The following SLIT3 variants were observed in gnomAD, a reference collection of about 807,000 sequenced individuals.
SLIT3 encodes the protein slit guidance ligand 3, also known as slit homolog 3 protein.
Under a neutral mutation model 184.0 loss-of-function variants are expected in SLIT3, and 68 were observed. The ratio of observed to expected loss-of-function variants is 0.37; its 90% CI spans 0.30 to 0.45. SLIT3 has a LOEUF of 0.45. SLIT3 is among the 20% of genes least tolerant of loss of function. The pLI, the probability that SLIT3 is intolerant of heterozygous loss-of-function variation, is 1.00. For missense variants in SLIT3, 1,707 were observed against 2,026.0 expected (o/e 0.84, Z 3.02); for synonymous variants, 831 against 828.6 (o/e 1.00, Z -0.05).
At chr5:168,708,617 T>G (rs1762449457) in intron 25 of SLIT3, 1 of 165,882 alleles carries the variant, frequency 6.0e-6, no homozygotes, top group African/African-American at 2.4e-5. Context: ...GACACAGCGA[T>G]GATGCTGACA....
At chr5:169,044,995 G>A (rs1350645382) in intron 4 of SLIT3, among the ~76,000 whole-genome samples, 1 of 152,184 alleles carries the variant, frequency 6.6e-6, no homozygotes, top group East Asian at 1.9e-4. Flanking sequence ...CACGGGATGA[G>A]AAGAACTCCT....
At chr5:168,917,357 TTG>T (rs1761477180) in intron 4 of SLIT3, among the ~76,000 whole-genome samples, 1 of 152,184 alleles carries the variant, frequency 6.6e-6, no homozygotes, top group Non-Finnish European at 1.5e-5. Context: ...GTCCTGGGCA[TTG>T]TGTCTCAGCC....
intron 4 of SLIT3, among the ~76,000 whole-genome samples, chr5:169,143,894 CAG>C (rs1428321134): frequency 2.0e-5 from 3 of 152,170 alleles, no homozygotes; most frequent in Admixed American, 6.5e-5. Flanking sequence ...TCACAATGGG[CAG>C]AGTCACATGG....
chr5:169,286,321 CT>C (rs781452859), intron 1 of SLIT3, among the ~76,000 whole-genome samples: 10 of 151,134 alleles, frequency 6.6e-5, no homozygotes, highest in Non-Finnish European at 1.2e-4. Flanking sequence ...AACTAAACAT[CT>C]TTTTTTTTCT....
At chr5:169,112,596 T>G (rs1432032076) in intron 4 of SLIT3, among the ~76,000 whole-genome samples, 2 of 152,000 alleles carry the variant, frequency 1.3e-5, no homozygotes, top group Non-Finnish European at 2.9e-5. Flanking sequence ...TGGTGGTAGC[T>G]GCAAGGCATA....
intron 4 of SLIT3, among the ~76,000 whole-genome samples, chr5:168,894,728 C>A (rs768131433): frequency 4.6e-5 from 7 of 152,170 alleles, no homozygotes; most frequent in Non-Finnish European, 8.8e-5. Flanking sequence ...TGAGAGGGTA[C>A]AATAGATTTG....
At chr5:168,935,739 T>A (rs1762139146) in intron 4 of SLIT3, among the ~76,000 whole-genome samples, 1 of 152,214 alleles carries the variant, frequency 6.6e-6, no homozygotes, top group South Asian at 2.1e-4. Flanking sequence ...AAAAGAAAGC[T>A]TCAGCACAAA....
rs539072289 is a variant in SLIT3 at position 168,862,358 on chromosome 5, G to A, written c.486-17703C>T. 2.0e-5 allele frequency among the ~76,000 whole-genome samples: 3 copies of A among 152,206 alleles called. No homozygotes were observed. The South Asian group carries it at 6.2e-4, about 32-fold the overall frequency. Reference sequence around the variant, plus strand: ...GCCACCTGTTCCCCAAAAACCTATGGAAATAAAAAATAAGGTATGGGCAGC... The same window carrying A: ...GCCACCTGTTCCCCAAAAACCTATGAAAATAAAAAATAAGGTATGGGCAGC... On this transcript the variant is annotated intron_variant, in intron 5 of 35. Coordinates refer to ENST00000519560, the MANE Select transcript of SLIT3 (RefSeq NM_003062.4).
chr5:169,299,325 G>A (rs1212427800), intron 1 of SLIT3, among the ~76,000 whole-genome samples: 1 of 152,154 alleles, frequency 6.6e-6, no homozygotes, highest in African/African-American at 2.4e-5. Flanking sequence ...AAGAGAAGAG[G>A]AGGTGGGGTG....
At chr5:168,682,070 C>T (rs1259891770) in intron 32 of SLIT3, among the ~76,000 whole-genome samples, 1 of 152,224 alleles carries the variant, frequency 6.6e-6, no homozygotes, top group African/African-American at 2.4e-5. Flanking sequence ...TCTGTCCTCT[C>T]CACTTGGCCA....
chr5:169,014,614 A>T (rs997579902), intron 4 of SLIT3, among the ~76,000 whole-genome samples: 1 of 152,222 alleles, frequency 6.6e-6, no homozygotes, highest in Admixed American at 6.5e-5. Flanking sequence ...AGGAAGGAAA[A>T]TAGGGCAGAG....
At chr5:169,013,871 A>G (rs1390433260) in intron 4 of SLIT3, among the ~76,000 whole-genome samples, 3 of 152,186 alleles carry the variant, frequency 2.0e-5, no homozygotes, top group Non-Finnish European at 4.4e-5. Flanking sequence ...TGCCTGGTTT[A>G]TAGATCTGCA....
intron 32 of SLIT3, among the ~76,000 whole-genome samples, chr5:168,675,327 A>G (rs1290747235): frequency 6.6e-6 from 1 of 152,184 alleles, no homozygotes; most frequent in African/African-American, 2.4e-5. Context: ...CATTTCAGTG[A>G]CTAACTCAGA....
intron 4 of SLIT3, among the ~76,000 whole-genome samples, chr5:169,033,667 A>G (rs1199094702): frequency 6.6e-6 from 1 of 152,116 alleles, no homozygotes; most frequent in Non-Finnish European, 1.5e-5. Flanking sequence ...TCTGGTTTTG[A>G]TTAATAATTA....
At chr5:168,667,936 T>G (rs1472686722) in intron 35 of SLIT3, among the ~76,000 whole-genome samples, 1 of 152,218 alleles carries the variant, frequency 6.6e-6, no homozygotes, top group Non-Finnish European at 1.5e-5. Flanking sequence ...GGGATTAAGC[T>G]GTTTATACTG....
At chr5:168,858,733 C>G (rs1241586380) in intron 5 of SLIT3, among the ~76,000 whole-genome samples, 1 of 152,226 alleles carries the variant, frequency 6.6e-6, no homozygotes, top group Non-Finnish European at 1.5e-5. Flanking sequence ...TCATTCTGTT[C>G]TTTTCTTTAA....
chr5:169,059,550 A>G (rs1758112803), intron 4 of SLIT3, among the ~76,000 whole-genome samples: 2 of 152,130 alleles, frequency 1.3e-5, no homozygotes, highest in African/African-American at 4.8e-5. Context: ...CCATGTCTAC[A>G]CTGTAGAAGC....
At chr5:169,062,915 C>T (rs1209916334) in intron 4 of SLIT3, among the ~76,000 whole-genome samples, 1 of 152,216 alleles carries the variant, frequency 6.6e-6, no homozygotes, top group Non-Finnish European at 1.5e-5. Context: ...AGGTGAACAG[C>T]ACCAGCAAGA....
At chr5:169,274,425 G>A (rs923564569) in intron 1 of SLIT3, among the ~76,000 whole-genome samples, 7 of 152,132 alleles carry the variant, frequency 4.6e-5, no homozygotes, top group African/African-American at 1.7e-4. Flanking sequence ...GGCCAACCAC[G>A]CAGAGTTGTA....
Sources: gnomAD v4.1 joint callset for allele counts (sites outside exome capture counted in the v4.1 genomes callset) on GRCh38, gnomAD v4.1.1 for gene constraint, MANE v1.5 for transcripts, NCBI Gene and HGNC (gene_info 2026-07-23, HGNC 2026-07-21) for gene names.